The following VAT1L variants were observed in gnomAD, a reference collection of about 807,000 sequenced individuals.
The protein encoded by VAT1L is vesicle amine transport 1 like.
VAT1L carries 34 observed loss-of-function variants against 44.1 expected under a neutral mutation model. The observed-to-expected ratio is 0.77, with a 90% confidence interval of 0.59 to 1.03. The LOEUF (loss-of-function observed/expected upper bound fraction) is 1.03, where lower values mean the gene tolerates loss of function less well. Among genes scored for constraint, VAT1L ranks in the 50% least tolerant of loss-of-function variants. VAT1L has a pLI of 0.00. For synonymous variants in VAT1L, 253 were observed against 202.2 expected, an observed-to-expected ratio of 1.25 and a Z score of -2.13; for missense variants, 615 against 538.8, an observed-to-expected ratio of 1.14 and a Z score of -1.40.
At chr16:77,917,276 A>G (rs2017561970) in intron 7 of VAT1L, among the ~76,000 whole-genome samples, 1 of 152,188 alleles carries the variant, frequency 6.6e-6, no homozygotes, top group Non-Finnish European at 1.5e-5. Flanking sequence ...GAAGCAACGA[A>G]AAAGGAAGGG....
In VAT1L at chr16:77,977,798, G is replaced by GTTTT; in HGVS notation, c.*104_*105insTTTT. The GTTTT allele has an allele frequency of 8.7e-7, 1 of 1,153,774 alleles. No individual in the cohort carries two copies. Among genetic ancestry groups the GTTTT allele is most frequent in the South Asian group, 1.4e-5 (1 of 69,118 alleles). The allele number at this position is 1,153,774 out of a possible 1,614,324, so 71.5% of individuals were successfully genotyped here. Reference sequence around the variant, plus strand: ...GTGAACAAATGCTGTAGTCCAGTGCGTGTCGTGTTTGTCTGCAGTCAGCTG... The same window carrying GTTTT: ...GTGAACAAATGCTGTAGTCCAGTGCGTTTTTGTCGTGTTTGTCTGCAGTCAGCTG... On this transcript the variant is annotated 3_prime_UTR_variant, in exon 9 of 9. Coordinates refer to ENST00000302536, the MANE Select transcript of VAT1L (RefSeq NM_020927.3).
chr16:77,908,258 A>C (rs2017459757), intron 7 of VAT1L, among the ~76,000 whole-genome samples: 2 of 150,764 alleles, frequency 1.3e-5, no homozygotes, highest in Non-Finnish European at 3.0e-5. Flanking sequence ...AAAAAAGTTC[A>C]AGACCAGCCT....
intron 1 of VAT1L, among the ~76,000 whole-genome samples, chr16:77,803,143 A>G (rs1443487200): frequency 6.6e-6 from 1 of 152,216 alleles, no homozygotes; most frequent in Non-Finnish European, 1.5e-5. Context: ...AAAGTTGCTC[A>G]TAGTCTACAG....
intron 7 of VAT1L, among the ~76,000 whole-genome samples, chr16:77,947,626 CACA>C (rs2017985229): frequency 6.6e-6 from 1 of 152,182 alleles, no homozygotes; most frequent in Non-Finnish European, 1.5e-5. Context: ...TGGCCCAGCA[CACA>C]ACATCCCCAG....
intron 7 of VAT1L, among the ~76,000 whole-genome samples, chr16:77,887,260 G>C (rs988158817): frequency 6.6e-6 from 1 of 152,214 alleles, no homozygotes; most frequent in African/African-American, 2.4e-5. Flanking sequence ...GTTAACAAGG[G>C]CTGGATGGAA....
chr16:77,938,159 G>T (rs2017827146), intron 7 of VAT1L, among the ~76,000 whole-genome samples: 1 of 152,112 alleles, frequency 6.6e-6, no homozygotes, highest in African/African-American at 2.4e-5. Flanking sequence ...TTAGGGATGG[G>T]CCCCAGAGTT....
intron 1 of VAT1L, among the ~76,000 whole-genome samples, chr16:77,811,233 G>C (rs140962876): frequency 6.6e-6 from 1 of 152,148 alleles, no homozygotes; most frequent in Non-Finnish European, 1.5e-5. Context: ...TTTTCACCAG[G>C]AGAGTAGAAG....
At chr16:77,919,940 C>T (rs542995175) in intron 7 of VAT1L, among the ~76,000 whole-genome samples, 89 of 152,008 alleles carry the variant, frequency 5.9e-4, no homozygotes, top group Admixed American at 1.1e-3. Flanking sequence ...AATAAATAGC[C>T]GAGTATGGTG....
rs767426500 is a variant in VAT1L, at chr16:77,977,816, G to C, written c.*121G>C. On this transcript the variant is annotated 3_prime_UTR_variant, in exon 9 of 9. Transcript: ENST00000302536. ...CCAGTGCGTGTCGTGTTTGTCTGCA[G>C]TCAGCTGAGCTAAAAAGCTGTTGAT... 14 of 970,898 alleles carry C rather than the reference G, an allele frequency of 1.4e-5. No homozygotes were observed. The highest frequency in any genetic ancestry group is 4.5e-5 in the Admixed American group (2 of 44,618). 60.1% of individuals were successfully genotyped at this position (970,898 alleles called of 1,614,324 possible). A position where few individuals can be genotyped will look rare whatever the true frequency, so the allele number is the denominator to read the frequency against.
intron 2 of VAT1L, among the ~76,000 whole-genome samples, chr16:77,818,503 C>G (rs2145238043): frequency 6.6e-6 from 1 of 152,278 alleles, no homozygotes; most frequent in East Asian, 1.9e-4. Context: ...ATATTATCTT[C>G]TCTTCAATCC....
intron 7 of VAT1L, among the ~76,000 whole-genome samples, chr16:77,943,358 T>A (rs1029934667): frequency 3.3e-5 from 5 of 150,902 alleles, no homozygotes; most frequent in Middle Eastern, 3.2e-3. Context: ...ACCACCGCAC[T>A]TGGCCTATTT....
At chr16:77,862,717 G>C (rs1238294621) in intron 3 of VAT1L, 31 bp from the exon 4 acceptor site, 1 of 1,596,334 alleles carries the variant, frequency 6.3e-7, no homozygotes, top group African/African-American at 1.4e-5. Flanking sequence ...TGGCTCCTAT[G>C]TGTGACATAG....
chr16:77,955,062 G>A (rs1160389202), intron 7 of VAT1L, among the ~76,000 whole-genome samples: 1 of 152,208 alleles, frequency 6.6e-6, no homozygotes, highest in African/African-American at 2.4e-5. Context: ...CTATTGAGCT[G>A]TGTACCACAC....
intron 1 of VAT1L, among the ~76,000 whole-genome samples, chr16:77,790,423 T>G (rs1386259852): frequency 2.6e-5 from 4 of 152,110 alleles, no homozygotes; most frequent in Non-Finnish European, 5.9e-5. Context: ...CACCCCACAC[T>G]GTTTGGCCCA....
At chr16:77,938,763 C>T (rs2017836581) in intron 7 of VAT1L, among the ~76,000 whole-genome samples, 1 of 152,262 alleles carries the variant, frequency 6.6e-6, no homozygotes, top group Non-Finnish European at 1.5e-5. Flanking sequence ...ATTACCCAGT[C>T]TCAGGTATTT....
At chr16:77,946,279 C>CGTTTTTTTTTTTTTTT (rs1223152362) in intron 7 of VAT1L, among the ~76,000 whole-genome samples, 3 of 70,428 alleles carry the variant, frequency 4.3e-5, no homozygotes, top group African/African-American at 1.6e-4. Flanking sequence ...GTTACTTGTT[C>CGTTTTTTTTTTTTTTT]TTTTTTTTTT....
chr16:77,931,675 G>A (rs1243863649), intron 7 of VAT1L, among the ~76,000 whole-genome samples: 1 of 152,198 alleles, frequency 6.6e-6, no homozygotes, highest in Non-Finnish European at 1.5e-5. Context: ...TGGAATCCTA[G>A]TAGGAAATAA....
intron 7 of VAT1L, among the ~76,000 whole-genome samples, chr16:77,927,154 T>A (rs415054): frequency 3.9e-5 from 6 of 151,934 alleles, no homozygotes; most frequent in African/African-American, 1.2e-4. Flanking sequence ...CTGGCTAACA[T>A]GGTGAAATCT....
intron 7 of VAT1L, among the ~76,000 whole-genome samples, chr16:77,929,441 T>C (rs544821063): frequency 1.3e-5 from 2 of 152,350 alleles, no homozygotes; most frequent in African/African-American, 4.8e-5. Context: ...CTTCAGTGTT[T>C]AATACTTCAT....
Sources: gnomAD v4.1 joint callset for allele counts (sites outside exome capture counted in the v4.1 genomes callset) on GRCh38, gnomAD v4.1.1 for gene constraint, MANE v1.5 for transcripts, NCBI Gene and HGNC (gene_info 2026-07-23, HGNC 2026-07-21) for gene names.